Variants in MCC observed in about 807,000 individuals in gnomAD.
MCC encodes the protein MCC regulator of Wnt signaling pathway, also known as colorectal mutant cancer protein.
In MCC, 90 loss-of-function variants were observed where a neutral mutation model predicts 116.2. That is an observed-to-expected ratio of 0.77 (90% CI 0.65 to 0.92). MCC has a LOEUF of 0.92. MCC is among the 40% of genes least tolerant of loss of function. The probability of loss-of-function intolerance (pLI) is 0.00; values close to 1 mark genes in which losing one functional copy is unlikely to be tolerated. For missense variants in MCC, 1,516 were observed against 1,312.2 expected, an observed-to-expected ratio of 1.16 and a Z score of -2.40; for synonymous variants, 578 against 510.5, an observed-to-expected ratio of 1.13 and a Z score of -1.78.
chr5:113,083,293 A>C (rs1189114742), intron 10 of MCC, among the ~76,000 whole-genome samples: 2 of 152,058 alleles, frequency 1.3e-5, no homozygotes, highest in Non-Finnish European at 2.9e-5. Context: ...GGAGTTCCTT[A>C]AATTCTGAAT....
intron 3 of MCC, among the ~76,000 whole-genome samples, chr5:113,256,319 T>A (rs1012046303): frequency 1.3e-5 from 2 of 152,210 alleles, no homozygotes; most frequent in African/African-American, 4.8e-5. Context: ...GTATCTACTA[T>A]ATCAGATACT....
At chr5:113,297,608 T>C (rs1479293890) in intron 3 of MCC, among the ~76,000 whole-genome samples, 1 of 150,034 alleles carries the variant, frequency 6.7e-6, no homozygotes, top group Non-Finnish European at 1.5e-5. Flanking sequence ...GGCATGGTGG[T>C]GTGCACCATG....
chr5:113,111,085 T>A (rs950441322), intron 6 of MCC, among the ~76,000 whole-genome samples: 1 of 152,222 alleles, frequency 6.6e-6, no homozygotes, highest in Admixed American at 6.5e-5. Flanking sequence ...AGCTCAATAA[T>A]ACACAGCTCA....
At chr5:113,384,212 G>A (rs1331645681) in intron 2 of MCC, among the ~76,000 whole-genome samples, 28 of 152,088 alleles carry the variant, frequency 1.8e-4, no homozygotes, top group Admixed American at 1.8e-3. Flanking sequence ...CTTTCCAACT[G>A]CTTATCTTGC....
chr5:113,121,056 A>G (rs1022100317), intron 6 of MCC, among the ~76,000 whole-genome samples: 1 of 152,198 alleles, frequency 6.6e-6, no homozygotes, highest in Admixed American at 6.5e-5. Context: ...ACAAACTCTT[A>G]TGGGGCATAC....
chr5:113,432,320 CAAAAAAA>C (rs66577040), intron 1 of MCC, among the ~76,000 whole-genome samples: 2 of 68,612 alleles, frequency 2.9e-5, no homozygotes, highest in East Asian at 5.0e-4. Context: ...GACTCTGTCT[CAAAAAAA>C]AAAAAAAAAA....
intron 3 of MCC, among the ~76,000 whole-genome samples, chr5:113,309,042 A>G (rs1160358994): frequency 3.3e-5 from 5 of 152,304 alleles, no homozygotes; most frequent in Non-Finnish European, 7.4e-5. Flanking sequence ...GCCAGAGTCA[A>G]ATAATAAATC....
chr5:113,270,936 T>C (rs1673015474), intron 3 of MCC, among the ~76,000 whole-genome samples: 1 of 151,972 alleles, frequency 6.6e-6, no homozygotes, highest in African/African-American at 2.4e-5. Flanking sequence ...AACAAAAAGC[T>C]GACATAATTC....
intron 1 of MCC, among the ~76,000 whole-genome samples, chr5:113,461,411 A>G (rs2150425653): frequency 6.6e-6 from 1 of 152,182 alleles, no homozygotes; most frequent in East Asian, 1.9e-4. Flanking sequence ...TTTTTGCCCA[A>G]AGTTACATGG....
At chr5:113,453,539 G>A (rs544492014) in intron 1 of MCC, among the ~76,000 whole-genome samples, 27 of 152,300 alleles carry the variant, frequency 1.8e-4, no homozygotes, top group African/African-American at 2.9e-4. Context: ...GGCAGGCGCC[G>A]TGATTCCCTT....
In MCC at chr5:113,153,299, G is replaced by T. The variant is rs1220421364; in HGVS notation, c.628-1877C>A. 5.3e-5 allele frequency among the ~76,000 whole-genome samples: 8 copies of T among 152,164 alleles called. No individual in the cohort carries two copies. The East Asian group carries it at 1.5e-3, about 29-fold the overall frequency. On this transcript the variant is annotated intron_variant, in intron 3 of 18. Coordinates refer to ENST00000408903, the MANE Select transcript of MCC (RefSeq NM_001085377.2). ...TCCCCTCCTACTTCTGGGGGAAAGG[G>T]CTGCTTGAAGGGGTTGGGGGAGGCC...
intron 1 of MCC, among the ~76,000 whole-genome samples, chr5:113,475,146 C>T (rs17389402): frequency 7.9e-5 from 12 of 152,306 alleles, no homozygotes; most frequent in South Asian, 6.2e-4. Flanking sequence ...GTGTACTAAA[C>T]AATGTCACTT....
At chr5:113,267,347 C>T (rs1472268530) in intron 3 of MCC, among the ~76,000 whole-genome samples, 3 of 152,106 alleles carry the variant, frequency 2.0e-5, no homozygotes, top group Non-Finnish European at 2.9e-5. Flanking sequence ...AAATTTTATC[C>T]CCTCACCCCT....
At chr5:113,035,574 T>TG (rs1481750580) in intron 17 of MCC, among the ~76,000 whole-genome samples, 1 of 152,172 alleles carries the variant, frequency 6.6e-6, no homozygotes, top group Non-Finnish European at 1.5e-5. Context: ...GCTGGGCCTT[T>TG]GGGCTGCTGG....
intron 17 of MCC, among the ~76,000 whole-genome samples, chr5:113,042,751 A>G (rs1369786856): frequency 6.6e-6 from 1 of 151,782 alleles, no homozygotes; most frequent in Non-Finnish European, 1.5e-5. Flanking sequence ...GAGGTGTAAA[A>G]TACATACCAG....
chr5:113,124,325 G>A (rs1267051699), intron 5 of MCC, among the ~76,000 whole-genome samples: 1 of 152,204 alleles, frequency 6.6e-6, no homozygotes. Context: ...ATTGTGCACT[G>A]ATAGATACAT....
intron 1 of MCC, among the ~76,000 whole-genome samples, chr5:113,424,266 T>A (rs976890639): frequency 1.3e-5 from 2 of 151,120 alleles, no homozygotes; most frequent in African/African-American, 4.9e-5. Flanking sequence ...GGGCATCTAA[T>A]ATAAAAGAGA....
chr5:113,328,177 G>T (rs779741031), intron 3 of MCC, among the ~76,000 whole-genome samples: 3 of 152,190 alleles, frequency 2.0e-5, no homozygotes, highest in Admixed American at 6.5e-5. Context: ...AAGAGGTGGA[G>T]AGGGTTAGGT....
At chr5:113,293,560 A>G (rs551625602) in intron 3 of MCC, among the ~76,000 whole-genome samples, 2 of 152,146 alleles carry the variant, frequency 1.3e-5, no homozygotes, top group Non-Finnish European at 2.9e-5. Flanking sequence ...GCTTTGAGGG[A>G]TGTGCCCGAA....
Sources: allele counts gnomAD v4.1 joint callset (sites outside exome capture counted in the v4.1 genomes callset), GRCh38; gene constraint gnomAD v4.1.1; transcripts MANE v1.5; gene names NCBI Gene and HGNC (gene_info 2026-07-23, HGNC 2026-07-21).